Variants in CDCP1 observed in about 807,000 individuals in gnomAD.
CDCP1 encodes the protein CUB domain-containing protein 1.
CDCP1 carries 29 observed loss-of-function variants against 60.2 expected under a neutral mutation model. The observed-to-expected ratio is 0.48, with a 90% CI of 0.36 to 0.66. The LOEUF (loss-of-function observed/expected upper bound fraction) is 0.66, where lower values mean the gene tolerates loss of function less well. Among genes scored for constraint, CDCP1 ranks in the 30% least tolerant of loss-of-function variants. The pLI, the probability that CDCP1 is intolerant of heterozygous loss-of-function variation, is 0.00. For synonymous variants in CDCP1, 387 were observed against 431.1 expected (o/e 0.90, Z 1.27); for missense variants, 876 against 1,074.3 (o/e 0.82, Z 2.58).
At chr3:45,095,985 A>G (rs1260931666) in intron 4 of CDCP1, among the ~76,000 whole-genome samples, 1 of 152,230 alleles carries the variant, frequency 6.6e-6, no homozygotes, top group African/African-American at 2.4e-5. Context: ...AAAGTTCTTA[A>G]TGTCACTTGT....
At chr3:45,107,991 G>A (rs556745384) in intron 4 of CDCP1, among the ~76,000 whole-genome samples, 153 of 152,050 alleles carry the variant, frequency 1.0e-3, no homozygotes, top group African/African-American at 3.4e-3. Context: ...GGTGGCAGGC[G>A]CCTGTAATCC....
At chr3:45,122,081 A>T (rs1249349578) in intron 1 of CDCP1, among the ~76,000 whole-genome samples, 2 of 152,156 alleles carry the variant, frequency 1.3e-5, no homozygotes, top group East Asian at 3.8e-4. Flanking sequence ...TACCCAAAAT[A>T]ATTCTGGGTA....
At chr3:45,113,998 C>T (rs1441523156) in intron 2 of CDCP1, among the ~76,000 whole-genome samples, 1 of 152,186 alleles carries the variant, frequency 6.6e-6, no homozygotes, top group South Asian at 2.1e-4. Flanking sequence ...AAACATTTAA[C>T]TCTAGTAAGG....
chr3:45,107,135 G>T (rs1331400039), intron 4 of CDCP1, among the ~76,000 whole-genome samples: 2 of 152,010 alleles, frequency 1.3e-5, no homozygotes, highest in East Asian at 3.9e-4. Flanking sequence ...GTGACTTGCT[G>T]CATCCTACCA....
chr3:45,097,716 T>C (rs1463274783), intron 4 of CDCP1, among the ~76,000 whole-genome samples: 4 of 152,210 alleles, frequency 2.6e-5, no homozygotes, highest in African/African-American at 4.8e-5. Context: ...TCTCTCCTCT[T>C]GAACTGGCTG....
intron 1 of CDCP1, among the ~76,000 whole-genome samples, chr3:45,139,842 C>G (rs954148227): frequency 2.0e-5 from 3 of 152,208 alleles, no homozygotes; most frequent in Admixed American, 1.3e-4. Context: ...CTGGTGGCCA[C>G]TCTGTAGGAG....
rs750320472 is a variant in CDCP1 at position 45,095,536 on chromosome 3, G to A, written c.1057C>T (p.Arg353Ter). The A allele has an allele frequency of 3.1e-6, 5 of 1,614,020 alleles. No individual in the cohort carries two copies. The highest frequency in any genetic ancestry group is 1.1e-5 in the South Asian group (1 of 91,078). ...GGCTCGATGGTGAGTGACATGGCTC[G>A]CTCATTACTCAAGTCAACCACGTAG... ...KIYVVDLSNE[R>*]AMSLTIEPRP... The change falls in exon 5 of 9, where the codon CGA becomes TGA. Residue 353 changes from arginine (R) to a stop codon, truncating the protein, a stop_gained. Coordinates refer to ENST00000296129, the MANE Select transcript of CDCP1 (RefSeq NM_022842.5). LOFTEE classifies it high-confidence loss of function.
At chr3:45,109,406 C>G (rs1488041000) in intron 4 of CDCP1, among the ~76,000 whole-genome samples, 1 of 152,222 alleles carries the variant, frequency 6.6e-6, no homozygotes, top group Middle Eastern at 3.4e-3. Flanking sequence ...CACACTCCCA[C>G]TTAATTTTTC....
chr3:45,090,288 A>G (rs913690440), intron 7 of CDCP1, among the ~76,000 whole-genome samples: 9 of 152,332 alleles, frequency 5.9e-5, no homozygotes, highest in African/African-American at 2.2e-4. Context: ...AGTAAAGGGC[A>G]GACATGGCCC....
At chr3:45,121,957 A>G (rs6794913) in intron 1 of CDCP1, among the ~76,000 whole-genome samples, 147,175 of 152,168 alleles carry the variant, frequency 0.97, 71,242 homozygotes, top group East Asian at 0.98. Context: ...ATTTTGGGGG[A>G]AGCCTAGGTA....
intron 7 of CDCP1, among the ~76,000 whole-genome samples, chr3:45,089,523 G>C (rs1376885684): frequency 1.3e-5 from 2 of 152,106 alleles, no homozygotes; most frequent in African/African-American, 4.8e-5. Flanking sequence ...AGAACCAAAG[G>C]CCATAGACAT....
Position 45,085,629 on chromosome 3 carries a change from T to C in CDCP1, c.*9A>G. On this transcript the variant is annotated 3_prime_UTR_variant, in exon 9 of 9. Coordinates refer to ENST00000296129, the MANE Select transcript of CDCP1 (RefSeq NM_022842.5). This position sits in a 1 kb window ranked among gnomAD's most constrained non-coding sequence, Gnocchi z 4.2. ...ATGAAACTCAGCAAAGCGTCTGGAA[T>C]GGATCAAGTTATTCTGCTGGCTCCA... The C allele has an allele frequency of 1.2e-6, 2 of 1,605,622 alleles. No individual in the cohort carries two copies. Among genetic ancestry groups the C allele is most frequent in the South Asian group, 1.1e-5 (1 of 90,420 alleles).
At chr3:45,139,703 G>C (rs1173055456) in intron 1 of CDCP1, 3 of 152,260 alleles carry the variant, frequency 2.0e-5, no homozygotes. Flanking sequence ...ATCAACACAG[G>C]CTGAACCCTC....
intron 1 of CDCP1, among the ~76,000 whole-genome samples, chr3:45,125,590 G>A (rs1698963749): frequency 6.6e-6 from 1 of 152,184 alleles, no homozygotes; most frequent in Non-Finnish European, 1.5e-5. Flanking sequence ...ATCAATGATA[G>A]CATATTACAA....
intron 1 of CDCP1, 117 bp downstream of exon 1, chr3:45,146,089 T>TCCGCACC: frequency 1.2e-6 from 1 of 851,238 alleles, no homozygotes; most frequent in South Asian, 1.9e-5. Context: ...CCCCGCCCTC[T>TCCGCACC]CTCCGCACCC....
At chr3:45,115,658 T>G (rs1405509643) in intron 2 of CDCP1, among the ~76,000 whole-genome samples, 1 of 152,212 alleles carries the variant, frequency 6.6e-6, no homozygotes, top group Non-Finnish European at 1.5e-5. Context: ...AATTGATAAA[T>G]TAATATAGGG....
At chr3:45,109,281 T>C (rs546780370) in intron 4 of CDCP1, among the ~76,000 whole-genome samples, 20 of 152,046 alleles carry the variant, frequency 1.3e-4, no homozygotes, top group Non-Finnish European at 2.1e-4. Context: ...ACATTATACA[T>C]ACATACATAT....
chr3:45,108,762 T>C (rs184184285), intron 4 of CDCP1, among the ~76,000 whole-genome samples: 717 of 70,830 alleles, frequency 0.01, 36 homozygotes, highest in African/African-American at 0.025. Context: ...TGCATGTATA[T>C]ATATATATGC....
In CDCP1 at chr3:45,146,063, A is replaced by G. The variant is rs545953097; in HGVS notation, c.82+143T>C. The G allele has an allele frequency of 5.8e-5, 42 of 726,776 alleles. No individual in the cohort carries two copies. The South Asian group carries it at 8.7e-4, about 15-fold the overall frequency. The allele number at this position is 726,776 out of a possible 1,614,324, so 45.0% of individuals were successfully genotyped here. ...CCGGGGGTCCCGGAGCCACCCGCGC[A>G]TTTTGACTACGCCGTCCCCGCCCTC... is the stretch of plus-strand genomic sequence containing the variant. On this transcript the variant is annotated intron_variant, in intron 1 of 8. Coordinates refer to ENST00000296129, the MANE Select transcript of CDCP1 (RefSeq NM_022842.5).
Sources: gnomAD v4.1 joint callset for allele counts (sites outside exome capture counted in the v4.1 genomes callset) on GRCh38, gnomAD v4.1.1 for gene constraint, Gnocchi (gnomAD v3.1) non-coding constraint, MANE v1.5 for transcripts, NCBI Gene and HGNC (gene_info 2026-07-23, HGNC 2026-07-21) for gene names.